LGR5: variants seen among roughly 807,000 people sequenced by gnomAD.
The protein encoded by LGR5 is leucine-rich repeat-containing G protein-coupled receptor 5.
A neutral mutation model predicts 76.7 loss-of-function variants in LGR5; 54 were observed. That is an observed-to-expected ratio of 0.70 (90% CI 0.57 to 0.88). LGR5 has a LOEUF of 0.88. Ranked by LOEUF, LGR5 falls within the 40% of genes least tolerant of loss-of-function variation. LGR5 has a pLI of 0.00. For synonymous variants in LGR5, 406 were observed against 421.9 expected, an observed-to-expected ratio of 0.96 and a Z score of 0.46; for missense variants, 1,078 against 1,073.3, an observed-to-expected ratio of 1.00 and a Z score of -0.06.
rs780145953 is a variant in LGR5, at chr12:71,578,012, C to T, written c.1280+16C>T. On this transcript the variant is annotated intron_variant, in intron 14 of 17. Transcript: ENST00000266674. ...TAATAAAGCTGTGAGTATTCCACAA[C>T]TTGTTTATGGTATGTCTCTTAATAA... The T allele has an allele frequency of 1.9e-6, 3 of 1,576,398 alleles. No individual in the cohort carries two copies. The South Asian group carries it at 3.3e-5, about 17-fold the overall frequency.
At chr12:71,572,208 G>A (rs181073398) in intron 12 of LGR5, among the ~76,000 whole-genome samples, 273 of 150,936 alleles carry the variant, frequency 1.8e-3, no homozygotes, top group African/African-American at 6.1e-3. Context: ...TCAGCCTCCC[G>A]AGTAGCTGGG....
intron 15 of LGR5, among the ~76,000 whole-genome samples, chr12:71,579,418 T>C (rs1878997887): frequency 6.6e-6 from 1 of 152,180 alleles, no homozygotes; most frequent in Admixed American, 6.5e-5. Flanking sequence ...TTACATACTT[T>C]TAAAATTATG....
intron 8 of LGR5, among the ~76,000 whole-genome samples, chr12:71,563,743 C>T (rs997962667): frequency 6.6e-6 from 1 of 152,142 alleles, no homozygotes; most frequent in African/African-American, 2.4e-5. Flanking sequence ...TTTATAATCT[C>T]TCCCGAACAT....
chr12:71,528,685 C>T (rs879579523), intron 3 of LGR5, among the ~76,000 whole-genome samples: 1 of 152,134 alleles, frequency 6.6e-6, no homozygotes, highest in Admixed American at 6.5e-5. Flanking sequence ...TTTTAGAGCA[C>T]AATCATATGA....
intron 1 of LGR5, among the ~76,000 whole-genome samples, chr12:71,461,395 T>C (rs575534985): frequency 2.3e-4 from 35 of 152,316 alleles, no homozygotes; most frequent in African/African-American, 6.5e-4. Context: ...TATCATTCCA[T>C]ACTGTATTAA....
rs772016226 is a variant in LGR5 at position 71,566,911 on chromosome 12, C to T, written c.1069C>T (p.Leu357=). The T allele has an allele frequency of 6.2e-7, 1 of 1,607,974 alleles. No homozygotes were observed. Among genetic ancestry groups the T allele is most frequent in the Non-Finnish European group, 8.5e-7 (1 of 1,174,388 alleles). The change falls in exon 11 of 18, where the codon CTA becomes TTA. Residue 357 remains leucine, a splice_region_variant and synonymous_variant. Coordinates refer to ENST00000266674, the MANE Select transcript of LGR5 (RefSeq NM_003667.4). ...CAATCAGTTACCTAATCTCCAAGTG[C>T]TGTGCGTATCAGTAAGGCAATAATG... The part of the protein sequence containing the change: ...VCNQLPNLQV[L]DLSYNLLEDL...
At chr12:71,490,972 G>T (rs1874042372) in intron 1 of LGR5, among the ~76,000 whole-genome samples, 1 of 152,136 alleles carries the variant, frequency 6.6e-6, no homozygotes, top group South Asian at 2.1e-4. Context: ...AGAGGGACCT[G>T]GTGGGAGGTA....
chr12:71,582,799 T>G (rs1184638151), intron 17 of LGR5, among the ~76,000 whole-genome samples: 1 of 152,222 alleles, frequency 6.6e-6, no homozygotes. Context: ...GAGGCATATG[T>G]AATTTTTAAA....
At chr12:71,577,803 G>A (rs1468954877) in intron 13 of LGR5, 122 bp from the exon 14 acceptor site, 3 of 646,602 alleles carry the variant, frequency 4.6e-6, no homozygotes, top group Non-Finnish European at 8.2e-6. Flanking sequence ...AGTTTGATAA[G>A]TTAATTGTTT....
intron 1 of LGR5, among the ~76,000 whole-genome samples, chr12:71,451,784 T>A (rs1592453264): frequency 6.6e-6 from 1 of 152,214 alleles, no homozygotes; most frequent in Non-Finnish European, 1.5e-5. Flanking sequence ...TTTGACATCT[T>A]GGAGCCTTGC....
intron 1 of LGR5, among the ~76,000 whole-genome samples, chr12:71,446,186 A>G (rs1871981899): frequency 2.0e-5 from 3 of 152,204 alleles, no homozygotes; most frequent in African/African-American, 7.2e-5. Context: ...GGAGTCAGAG[A>G]AAGACAGGTG....
intron 1 of LGR5, among the ~76,000 whole-genome samples, chr12:71,476,010 G>T (rs538912735): frequency 6.6e-6 from 1 of 152,098 alleles, no homozygotes; most frequent in Non-Finnish European, 1.5e-5. Context: ...TGACACGCAG[G>T]GTTCCTCTGT....
intron 3 of LGR5, among the ~76,000 whole-genome samples, chr12:71,528,626 A>G (rs928847614): frequency 1.3e-4 from 20 of 152,252 alleles, no homozygotes; most frequent in African/African-American, 4.8e-4. Flanking sequence ...ATTGAATTTC[A>G]TCAACAAAGT....
intron 1 of LGR5, among the ~76,000 whole-genome samples, chr12:71,467,067 A>C (rs1258562542): frequency 6.6e-6 from 1 of 152,102 alleles, no homozygotes; most frequent in Non-Finnish European, 1.5e-5. Flanking sequence ...CCCATATGTT[A>C]ACTTATTTAA....
chr12:71,466,218 CCTT>C (rs1163194126), intron 1 of LGR5, among the ~76,000 whole-genome samples: 14 of 152,318 alleles, frequency 9.2e-5, no homozygotes, highest in African/African-American at 2.9e-4. Context: ...CTAGCATAAT[CCTT>C]CTTTCTGAAT....
chr12:71,505,788 A>C (rs2137306086), intron 2 of LGR5, among the ~76,000 whole-genome samples: 1 of 152,346 alleles, frequency 6.6e-6, no homozygotes, highest in East Asian at 1.9e-4. Context: ...TGCATGTGAT[A>C]AAATTGGTAT....
At chr12:71,573,761 T>G (rs926312263) in intron 13 of LGR5, among the ~76,000 whole-genome samples, 8 of 152,264 alleles carry the variant, frequency 5.3e-5, no homozygotes, top group African/African-American at 1.9e-4. Flanking sequence ...ACTTTAAATT[T>G]ACTTTTAAGA....
chr12:71,566,597 T>C, intron 9 of LGR5, 35 bp from the exon 10 acceptor site: 3 of 1,572,040 alleles, frequency 1.9e-6, no homozygotes, highest in South Asian at 2.2e-5. Flanking sequence ...GTCTAGAATC[T>C]TCTACCAGTA....
intron 2 of LGR5, among the ~76,000 whole-genome samples, chr12:71,516,241 C>G (rs1592505854): frequency 6.7e-6 from 1 of 150,040 alleles, no homozygotes; most frequent in East Asian, 2.0e-4. Context: ...GGAAATAAGG[C>G]CCAGGAAAGT....
Sources: gnomAD v4.1 joint callset for allele counts (sites outside exome capture counted in the v4.1 genomes callset) on GRCh38, gnomAD v4.1.1 for gene constraint, MANE v1.5 for transcripts, NCBI Gene and HGNC (gene_info 2026-07-23, HGNC 2026-07-21) for gene names.